The following HERC3 variants were observed in gnomAD, a reference collection of about 807,000 sequenced individuals.
The protein encoded by HERC3 is HECT and RLD domain containing E3 ubiquitin protein ligase 3, also known as probable E3 ubiquitin-protein ligase HERC3.
In HERC3, 58 loss-of-function variants were observed where a neutral mutation model predicts 129.9. The observed-to-expected ratio is 0.45, with a 90% CI of 0.36 to 0.56. The LOEUF (loss-of-function observed/expected upper bound fraction) is 0.56, where lower values mean the gene tolerates loss of function less well. Among genes scored for constraint, HERC3 ranks in the 20% least tolerant of loss-of-function variants. HERC3 has a pLI of 0.00. For missense variants in HERC3, 835 were observed against 1,244.2 expected, an observed-to-expected ratio of 0.67 and a Z score of 4.95; for synonymous variants, 430 against 451.0, an observed-to-expected ratio of 0.95 and a Z score of 0.59.
rs971109644 is a variant in HERC3, at chr4:88,664,151, A to G, written c.1272-2A>G. ...TCCCCCTCCCTTCTTTTCTTTGAGC[A>G]GTGGTGTTGTTCAGATATTATCTTC... On this transcript the variant is annotated splice_acceptor_variant, in intron 11 of 25. Transcript: ENST00000402738. LOFTEE classifies it high-confidence loss of function. 6.2e-7 allele frequency: 1 copy of G among 1,610,640 alleles called. No individual in the cohort carries two copies. The highest frequency in any genetic ancestry group is 8.5e-7 in the Non-Finnish European group (1 of 1,178,400).
At chr4:88,613,959 A>AT (rs35381807) in intron 3 of HERC3, among the ~76,000 whole-genome samples, 56,687 of 151,750 alleles carry the variant, frequency 0.37, 12,535 homozygotes, top group African/African-American at 0.6. Context: ...ATTGATCGGA[A>AT]TTTTTTTTCT....
intron 2 of HERC3, among the ~76,000 whole-genome samples, chr4:88,602,291 A>T (rs1389331359): frequency 6.6e-6 from 1 of 150,530 alleles, no homozygotes; most frequent in Non-Finnish European, 1.5e-5. Context: ...AATCCCAGCT[A>T]CTTGAGAGAC....
chr4:88,561,157 G>A, the HERC3 span, among the ~76,000 whole-genome samples: 1 of 151,960 alleles, frequency 6.6e-6, no homozygotes, highest in African/African-American at 2.4e-5. Flanking sequence ...TGCTCACTGA[G>A]AGATTATGTG....
chr4:88,595,250 T>C (rs1259555579), intron 1 of HERC3, among the ~76,000 whole-genome samples: 1 of 151,830 alleles, frequency 6.6e-6, no homozygotes, highest in African/African-American at 2.4e-5. Context: ...CTAACAAAAA[T>C]GGGAGATTTT....
At chr4:88,534,608 A>G in the HERC3 span, among the ~76,000 whole-genome samples, 2 of 152,010 alleles carry the variant, frequency 1.3e-5, no homozygotes, top group South Asian at 2.1e-4. Context: ...TCCTTTTCCA[A>G]TTTATTAAAT....
chr4:88,654,281 A>C (rs1024115649), intron 7 of HERC3, 148 bp downstream of exon 7: 2 of 433,980 alleles, frequency 4.6e-6, no homozygotes, highest in African/African-American at 4.1e-5. Flanking sequence ...GTTGTTTTCC[A>C]AAGGAATAGA....
chr4:88,697,101 A>C (rs752716298), intron 23 of HERC3: 9 of 1,078,048 alleles, frequency 8.3e-6, no homozygotes, highest in Admixed American at 2.7e-5. Context: ...TTCACATTGT[A>C]TTTTGGTCAA....
At chr4:88,555,051 C>T in the HERC3 span, among the ~76,000 whole-genome samples, 1 of 151,948 alleles carries the variant, frequency 6.6e-6, no homozygotes, top group African/African-American at 2.4e-5. Flanking sequence ...TTTGGGAGGC[C>T]AAGGCAGGCA....
At chr4:88,559,162 T>C in the HERC3 span, among the ~76,000 whole-genome samples, 1 of 152,334 alleles carries the variant, frequency 6.6e-6, no homozygotes, top group Admixed American at 6.5e-5. Flanking sequence ...ACCTTGGTGA[T>C]GACCTTGAGC....
At chr4:88,567,416 T>C in the HERC3 span, among the ~76,000 whole-genome samples, 21 of 152,316 alleles carry the variant, frequency 1.4e-4, no homozygotes, top group African/African-American at 4.8e-4. Flanking sequence ...CAATAACTCT[T>C]AGATTTGCCC....
chr4:88,597,571 C>T (rs1041939763), intron 2 of HERC3, among the ~76,000 whole-genome samples: 1 of 152,160 alleles, frequency 6.6e-6, no homozygotes, highest in Non-Finnish European at 1.5e-5. Context: ...TCTATGAGGG[C>T]CCTGGCTGTT....
At chr4:88,625,112 G>A (rs1022498237) in intron 3 of HERC3, among the ~76,000 whole-genome samples, 1 of 152,102 alleles carries the variant, frequency 6.6e-6, no homozygotes, top group African/African-American at 2.4e-5. Context: ...AATCTTGGAA[G>A]TATGTAGTTG....
the HERC3 span, chr4:88,583,592 A>G: frequency 6.6e-6 from 1 of 152,376 alleles, no homozygotes; most frequent in Admixed American, 6.5e-5. Flanking sequence ...GTCAAGGCTT[A>G]TATAAGTTTA....
In HERC3 at chr4:88,642,184, A is replaced by G. The variant is rs1007538304; in HGVS notation, c.227-7656A>G. 4.6e-5 allele frequency among the ~76,000 whole-genome samples: 7 copies of G among 151,920 alleles called. No homozygotes were observed. The East Asian group carries it at 1.4e-3, about 29-fold the overall frequency. ...AAGAAATCTCTAGACCTCCAGACTCACGTGGTTTCTCTGCCAAATGTTATC... is the reference window on the plus strand; with the variant it reads ...AAGAAATCTCTAGACCTCCAGACTCGCGTGGTTTCTCTGCCAAATGTTATC... On this transcript the variant is annotated intron_variant, in intron 3 of 25. Transcript: ENST00000402738.
At chr4:88,586,343 C>CTTTTTTTTTTTTTTTTTTTTTTT in the HERC3 span, among the ~76,000 whole-genome samples, 1 of 142,540 alleles carries the variant, frequency 7.0e-6, no homozygotes, top group Non-Finnish European at 1.5e-5. Flanking sequence ...GAATAAGCCA[C>CTTTTTTTTTTTTTTTTTTTTTTT]TTTTTTTTTT....
the HERC3 span, among the ~76,000 whole-genome samples, chr4:88,563,557 G>C: frequency 6.6e-6 from 1 of 152,080 alleles, no homozygotes; most frequent in African/African-American, 2.4e-5. Flanking sequence ...AAAGGTGAAA[G>C]TGGGCATCCT....
chr4:88,554,812 G>GTAA, the HERC3 span, among the ~76,000 whole-genome samples: 1 of 152,188 alleles, frequency 6.6e-6, no homozygotes, highest in Non-Finnish European at 1.5e-5. Flanking sequence ...TATTGGCCTA[G>GTAA]TAATAGGTAT....
chr4:88,682,189 G>C (rs1732853861), intron 21 of HERC3, among the ~76,000 whole-genome samples: 1 of 152,112 alleles, frequency 6.6e-6, no homozygotes, highest in African/African-American at 2.4e-5. Context: ...ACAAATGCAA[G>C]TTTTCATTTC....
At chr4:88,580,348 A>C in the HERC3 span, among the ~76,000 whole-genome samples, 1 of 152,032 alleles carries the variant, frequency 6.6e-6, no homozygotes, top group Non-Finnish European at 1.5e-5. Flanking sequence ...AACAGGATGA[A>C]ACCCTGTTTC....
Sources: gnomAD v4.1 joint callset for allele counts (sites outside exome capture counted in the v4.1 genomes callset) on GRCh38, gnomAD v4.1.1 for gene constraint, MANE v1.5 for transcripts, NCBI Gene and HGNC (gene_info 2026-07-23, HGNC 2026-07-21) for gene names.